NDST4: variants seen among roughly 807,000 people sequenced by gnomAD.
NDST4 encodes N-deacetylase and N-sulfotransferase 4.
In NDST4, 63 loss-of-function variants were observed where a neutral mutation model predicts 100.8. The ratio of observed to expected loss-of-function variants is 0.62; its 90% CI spans 0.51 to 0.77. The LOEUF (loss-of-function observed/expected upper bound fraction) is 0.77, where lower values mean the gene tolerates loss of function less well. NDST4 is among the 30% of genes least tolerant of loss of function. The pLI is 0.00. For missense variants in NDST4, 943 were observed against 1,018.4 expected (o/e 0.93, Z 1.01); for synonymous variants, 377 against 361.8 (o/e 1.04, Z -0.48).
intron 1 of NDST4, among the ~76,000 whole-genome samples, chr4:115,095,452 T>C (rs1003096962): frequency 1.3e-5 from 2 of 152,164 alleles, no homozygotes; most frequent in Admixed American, 6.6e-5. Flanking sequence ...CTCTGGTATA[T>C]GTTTTCTCTC....
intron 6 of NDST4, among the ~76,000 whole-genome samples, chr4:114,874,993 C>G (rs1449105608): frequency 6.6e-6 from 1 of 152,074 alleles, no homozygotes; most frequent in Admixed American, 6.6e-5. Flanking sequence ...ACCCACTGAA[C>G]CTTGAAATAT....
chr4:114,899,285 C>G (rs1454908217), intron 6 of NDST4, among the ~76,000 whole-genome samples: 1 of 152,208 alleles, frequency 6.6e-6, no homozygotes, highest in African/African-American at 2.4e-5. Flanking sequence ...TCAAGGCATT[C>G]TCCTGCCTCA....
chr4:115,058,651 G>C (rs995903259), intron 2 of NDST4, among the ~76,000 whole-genome samples: 3 of 151,632 alleles, frequency 2.0e-5, no homozygotes, highest in African/African-American at 7.3e-5. Context: ...CTTTTCTATA[G>C]AACACAATGC....
chr4:115,011,876 T>C (rs1438655920), intron 2 of NDST4, among the ~76,000 whole-genome samples: 1 of 151,990 alleles, frequency 6.6e-6, no homozygotes, highest in Non-Finnish European at 1.5e-5. Context: ...TGAAGCAGTG[T>C]TAATTTTTCA....
At chr4:114,872,740 T>C (rs1334302642) in intron 6 of NDST4, among the ~76,000 whole-genome samples, 1 of 151,942 alleles carries the variant, frequency 6.6e-6, no homozygotes, top group African/African-American at 2.4e-5. Context: ...TTGTCCCCTT[T>C]TACAGATGAA....
chr4:114,892,818 G>T (rs1250635554), intron 6 of NDST4, among the ~76,000 whole-genome samples: 2 of 151,802 alleles, frequency 1.3e-5, no homozygotes, highest in East Asian at 3.9e-4. Flanking sequence ...TACATTTGCA[G>T]AACATGCAAT....
At chr4:115,048,313 A>G (rs756093610) in intron 2 of NDST4, among the ~76,000 whole-genome samples, 2 of 152,196 alleles carry the variant, frequency 1.3e-5, no homozygotes, top group Non-Finnish European at 2.9e-5. Context: ...TTTAGCATTT[A>G]CATTTATAAA....
chr4:114,866,833 A>G (rs1724036970), intron 7 of NDST4, among the ~76,000 whole-genome samples: 1 of 152,218 alleles, frequency 6.6e-6, no homozygotes, highest in Non-Finnish European at 1.5e-5. Context: ...CATGAAGGCA[A>G]GAATTTTCTT....
intron 2 of NDST4, among the ~76,000 whole-genome samples, chr4:114,995,879 C>A (rs1472376902): frequency 6.6e-6 from 1 of 151,784 alleles, no homozygotes; most frequent in African/African-American, 2.4e-5. Flanking sequence ...TTTTCTTATT[C>A]TTAAAATAGG....
chr4:114,920,523 A>G (rs1725266329), intron 6 of NDST4, among the ~76,000 whole-genome samples: 2 of 152,210 alleles, frequency 1.3e-5, no homozygotes, highest in South Asian at 4.1e-4. Context: ...TTTGAATGGC[A>G]TTATTGAATA....
intron 1 of NDST4, among the ~76,000 whole-genome samples, chr4:115,082,996 T>C (rs541454442): frequency 6.6e-6 from 1 of 152,300 alleles, no homozygotes; most frequent in African/African-American, 2.4e-5. Flanking sequence ...ACTTAAGAAT[T>C]TGCAATAATT....
rs148518526 is a variant in NDST4, at chr4:114,981,616, T to G, written c.979-4342A>C. ...CTATAAAATGAAAACAAAAATCTGT[T>G]TTTAACAATGATTTTTATAGCTTCA... On this transcript the variant is annotated intron_variant, in intron 2 of 13. Transcript: ENST00000264363. Among the ~76,000 whole-genome samples the G allele has an allele frequency of 1.4e-3, 209 of 152,280 alleles. 2 individuals are homozygous for G. Among genetic ancestry groups the G allele is most frequent in the African/African-American group, 4.8e-3 (199 of 41,568 alleles).
intron 4 of NDST4, among the ~76,000 whole-genome samples, chr4:114,939,443 G>T (rs1725700577): frequency 6.6e-6 from 1 of 152,088 alleles, no homozygotes; most frequent in South Asian, 2.1e-4. Flanking sequence ...AAAATCAACA[G>T]TGTACAAATC....
At chr4:114,847,457 C>T (rs1723578419) in intron 9 of NDST4, among the ~76,000 whole-genome samples, 1 of 128,552 alleles carries the variant, frequency 7.8e-6, no homozygotes, top group Admixed American at 8.7e-5. Context: ...GATGATGACA[C>T]ACAAACTTAC....
intron 4 of NDST4, among the ~76,000 whole-genome samples, chr4:114,969,826 A>T (rs114280095): frequency 0.015 from 2,269 of 152,242 alleles, 65 homozygotes; most frequent in African/African-American, 0.051. Context: ...TTGGCATATA[A>T]CTAATAATAG....
At chr4:114,929,970 T>C (rs1725478605) in intron 6 of NDST4, among the ~76,000 whole-genome samples, 1 of 152,094 alleles carries the variant, frequency 6.6e-6, no homozygotes, top group South Asian at 2.1e-4. Context: ...CCTAAAGAGA[T>C]GACTAGGGCA....
intron 2 of NDST4, among the ~76,000 whole-genome samples, chr4:115,066,070 T>C (rs1251280965): frequency 2.6e-5 from 4 of 152,158 alleles, no homozygotes; most frequent in African/African-American, 9.7e-5. Flanking sequence ...CCCCATTGTG[T>C]ACAATCATGT....
chr4:115,006,180 A>C (rs1727413779), intron 2 of NDST4, among the ~76,000 whole-genome samples: 1 of 152,096 alleles, frequency 6.6e-6, no homozygotes, highest in South Asian at 2.1e-4. Context: ...ACATACATTC[A>C]GGAAATGGCT....
At chr4:114,986,832 A>ATATATATTT in intron 2 of NDST4, among the ~76,000 whole-genome samples, 1 of 94,662 alleles carries the variant, frequency 1.1e-5, no homozygotes, top group African/African-American at 3.7e-5. Context: ...ATATATATAT[A>ATATATATTT]TTTTAATATA....
Sources: allele counts gnomAD v4.1 joint callset (sites outside exome capture counted in the v4.1 genomes callset), GRCh38; gene constraint gnomAD v4.1.1; transcripts MANE v1.5; gene names NCBI Gene and HGNC (gene_info 2026-07-23, HGNC 2026-07-21).